The following TRMT11 variants were observed in gnomAD, a reference collection of about 807,000 sequenced individuals.
TRMT11 encodes tRNA methyltransferase 11, also known as tRNA (guanine(10)-N(2))-methyltransferase TRMT11.
In TRMT11, 53 loss-of-function variants were observed where a neutral mutation model predicts 62.8. The ratio of observed to expected loss-of-function variants is 0.84; its 90% CI spans 0.68 to 1.06. The LOEUF is 1.06. Among genes scored for constraint, TRMT11 ranks in the 50% least tolerant of loss-of-function variants. The pLI is 0.00. For missense variants in TRMT11, 556 were observed against 553.4 expected, an observed-to-expected ratio of 1.00 and a Z score of -0.05; for synonymous variants, 188 against 190.3, an observed-to-expected ratio of 0.99 and a Z score of 0.10.
In TRMT11 at chr6:126,151,851, T is replaced by TCC. The variant is rs1562334809; in HGVS notation, c.*1824-22974_*1824-22973insCC. Reference sequence around the variant, plus strand: ...CTTTCTTTCTTTCTTTCTTTCTTTCTTTCTTTCTTTCTTTCCTTCTTTCTC... The same window carrying TCC: ...CTTTCTTTCTTTCTTTCTTTCTTTCTCCTTCTTTCTTTCTTTCCTTCTTTCTC... On this transcript the variant is annotated intron_variant and NMD_transcript_variant, in intron 21 of 22. Coordinates refer to the TRMT11 transcript ENST00000648977. Among the ~76,000 whole-genome samples, 37 of 142,468 alleles carry TCC rather than the reference T, an allele frequency of 2.6e-4. 1 individual carries two copies. Among genetic ancestry groups the TCC allele is most frequent in the South Asian group, 1.6e-3 (7 of 4,434 alleles). The allele number at this position is 142,468 out of a possible 152,430, so 93.5% of individuals were successfully genotyped here.
At chr6:126,068,892 A>G (rs1176154614) in intron 17 of TRMT11, among the ~76,000 whole-genome samples, 1 of 152,226 alleles carries the variant, frequency 6.6e-6, no homozygotes, top group African/African-American at 2.4e-5. Flanking sequence ...TGCCCGGTCT[A>G]CCAAGTTCAG....
chr6:126,103,153 A>G (rs982666240), intron 17 of TRMT11, among the ~76,000 whole-genome samples: 7 of 152,164 alleles, frequency 4.6e-5, no homozygotes, highest in African/African-American at 1.7e-4. Context: ...CCCACAGCAT[A>G]CTTGGAGAAT....
intron 16 of TRMT11, among the ~76,000 whole-genome samples, chr6:126,052,785 C>G (rs73773349): frequency 0.041 from 6,306 of 152,262 alleles, 430 homozygotes; most frequent in African/African-American, 0.14. Context: ...TTTGATCTTG[C>G]ATTTGTTAGC....
rs115394146 is a variant in TRMT11, at chr6:126,032,424, G to A, written c.1261-6281G>A. Among the ~76,000 whole-genome samples the A allele has an allele frequency of 1.3e-3, 198 of 152,146 alleles. 1 individual carries two copies. The highest frequency in any genetic ancestry group is 4.6e-3 in the African/African-American group (191 of 41,510). ...TTGCTTACCAGTTGTTATCCACCCTGGCCGTAGTCTTTCAGGTCCCAGAAT... is the reference window on the plus strand; with the variant it reads ...TTGCTTACCAGTTGTTATCCACCCTAGCCGTAGTCTTTCAGGTCCCAGAAT... On this transcript the variant is annotated intron_variant, in intron 12 of 12. Coordinates refer to ENST00000334379, the MANE Select transcript of TRMT11 (RefSeq NM_001031712.3).
chr6:126,021,208 C>A lies in TRMT11; in HGVS notation c.1188C>A (p.Ser396Arg), dbSNP rs1583752016. The A allele has an allele frequency of 1.9e-6, 3 of 1,614,144 alleles. No homozygotes were observed. The East Asian group carries it at 6.7e-5, about 36-fold the overall frequency. Residue 396 changes from serine to arginine, a missense_variant, in exon 12 of 13, where the codon AGC becomes AGA. Ser to Arg is a moderately radical substitution (Grantham distance 110, BLOSUM62 -1). Transcript: ENST00000334379. The stretch of plus-strand genomic sequence containing the variant: ...GGCACCCTTGCCTGGAACTCGTTAG[C>A]AACTGCGAGCAGAAGCTTTCCAGTC... ...VPWHPCLELV[S>R]NCEQKLSSHT...
intron 21 of TRMT11, among the ~76,000 whole-genome samples, chr6:126,164,457 T>G (rs564061928): frequency 6.6e-6 from 1 of 152,360 alleles, no homozygotes; most frequent in Admixed American, 6.5e-5. Context: ...TTCTGCTGAT[T>G]TGAGGTGGAG....
intron 17 of TRMT11, among the ~76,000 whole-genome samples, chr6:126,099,121 GCTT>G (rs1478635605): frequency 1.3e-5 from 2 of 152,228 alleles, no homozygotes; most frequent in East Asian, 3.9e-4. Flanking sequence ...TTCATTGTTA[GCTT>G]CTTATCATTT....
chr6:126,093,596 TATATATATATATATATATATATATA>T (rs1411219043), intron 17 of TRMT11, among the ~76,000 whole-genome samples: 3 of 65,080 alleles, frequency 4.6e-5, no homozygotes, highest in Admixed American at 2.4e-4. Context: ...TATATATATA[TATATATATATATATATATATATATA>T]TATATATATA....
At chr6:126,130,206 T>A (rs550762149) in intron 21 of TRMT11, among the ~76,000 whole-genome samples, 61 of 152,072 alleles carry the variant, frequency 4.0e-4, no homozygotes, top group African/African-American at 1.3e-3. Flanking sequence ...CAACTGGAGG[T>A]AGAAGAGAGA....
chr6:126,090,459 A>G (rs760776572), intron 17 of TRMT11, among the ~76,000 whole-genome samples: 1 of 152,104 alleles, frequency 6.6e-6, no homozygotes, highest in Non-Finnish European at 1.5e-5. Flanking sequence ...ACCCTCCTAA[A>G]TTTTTTTAAG....
At chr6:126,003,242 A>G (rs1283771832) in intron 7 of TRMT11, among the ~76,000 whole-genome samples, 2 of 152,114 alleles carry the variant, frequency 1.3e-5, no homozygotes, top group Non-Finnish European at 2.9e-5. Flanking sequence ...ACAAACTTGT[A>G]AAGTTTCTTA....
At chr6:126,237,679 T>C in the TRMT11 span, among the ~76,000 whole-genome samples, 1 of 151,902 alleles carries the variant, frequency 6.6e-6, no homozygotes, top group African/African-American at 2.4e-5. Context: ...AGACCGGGTC[T>C]CATAAATAAA....
At chr6:126,013,825 C>T (rs1045726096) in intron 11 of TRMT11, among the ~76,000 whole-genome samples, 1 of 152,146 alleles carries the variant, frequency 6.6e-6, no homozygotes, top group African/African-American at 2.4e-5. Context: ...CTTATTGTAC[C>T]CTACACTTAG....
chr6:126,041,131 TGA>T (rs1350493315), downstream of TRMT11, among the ~76,000 whole-genome samples: 8 of 152,080 alleles, frequency 5.3e-5, no homozygotes, highest in Non-Finnish European at 1.0e-4. Flanking sequence ...ACTCAAATAT[TGA>T]GATTCCCTAC....
the TRMT11 span, among the ~76,000 whole-genome samples, chr6:126,263,452 A>G: frequency 6.6e-6 from 1 of 152,216 alleles, no homozygotes; most frequent in Non-Finnish European, 1.5e-5. Context: ...AAAATGTTAC[A>G]ACACAAAAAT....
At chr6:126,241,289 C>T in the TRMT11 span, among the ~76,000 whole-genome samples, 2 of 152,192 alleles carry the variant, frequency 1.3e-5, no homozygotes, top group African/African-American at 4.8e-5. Context: ...GTGTCGCTCA[C>T]GCTGGGAGCT....
At chr6:126,179,357 A>T (rs1778428725) in intron 1 of TRMT11, among the ~76,000 whole-genome samples, 1 of 152,034 alleles carries the variant, frequency 6.6e-6, no homozygotes, top group African/African-American at 2.4e-5. Flanking sequence ...CTGTATTGTT[A>T]TTTAAGTAGA....
chr6:126,043,530 T>G (rs1396506472), downstream of TRMT11, among the ~76,000 whole-genome samples: 11 of 149,974 alleles, frequency 7.3e-5, no homozygotes, highest in African/African-American at 2.4e-4. Flanking sequence ...GCATGTGTCT[T>G]TATAGCAGCA....
At chr6:126,142,849 T>G (rs1270093345) in intron 21 of TRMT11, among the ~76,000 whole-genome samples, 2 of 152,068 alleles carry the variant, frequency 1.3e-5, no homozygotes, top group Non-Finnish European at 2.9e-5. Flanking sequence ...CCCATAAATG[T>G]TCTGAGTCTC....
Sources: allele counts gnomAD v4.1 joint callset (sites outside exome capture counted in the v4.1 genomes callset), GRCh38; gene constraint gnomAD v4.1.1; transcripts MANE v1.5; gene names NCBI Gene and HGNC (gene_info 2026-07-23, HGNC 2026-07-21).